RHCE: variants seen among roughly 807,000 people sequenced by gnomAD.
RHCE encodes Rh blood group CcEe antigens, also known as blood group Rh(CE) polypeptide.
In RHCE, 22 loss-of-function variants were observed where a neutral mutation model predicts 43.8. The observed-to-expected ratio is 0.50, with a 90% CI of 0.36 to 0.72. The LOEUF (loss-of-function observed/expected upper bound fraction) is 0.72, where lower values mean the gene tolerates loss of function less well. Ranked by LOEUF, RHCE falls within the 30% of genes least tolerant of loss-of-function variation. RHCE has a pLI of 0.00. For missense variants in RHCE, 385 were observed against 525.4 expected (o/e 0.73, Z 2.61); for synonymous variants, 156 against 210.7 (o/e 0.74, Z 2.25).
At chr1:25,410,011 A>C (rs145013433) in intron 1 of RHCE, among the ~76,000 whole-genome samples, 1,561 of 150,004 alleles carry the variant, frequency 0.01, 29 homozygotes, top group African/African-American at 0.036. Context: ...ATTCTCCTGC[A>C]TCAGCCTCCC....
chr1:25,410,577 C>T (rs1183826309), intron 1 of RHCE, among the ~76,000 whole-genome samples: 1 of 151,768 alleles, frequency 6.6e-6, no homozygotes, highest in Admixed American at 6.6e-5. Context: ...GAACCACAGG[C>T]GCGCACCACC....
At chr1:25,428,963 C>G (rs547689972) in exon 2 of RHCE, 2 of 152,380 alleles carry the variant, frequency 1.3e-5, no homozygotes, top group African/African-American at 4.8e-5. Context: ...CTGGCGTAGC[C>G]TGGAAAAGGA....
intron 6 of RHCE, among the ~76,000 whole-genome samples, chr1:25,386,140 G>A (rs1387420648): frequency 1.3e-5 from 2 of 152,214 alleles, no homozygotes; most frequent in Non-Finnish European, 2.9e-5. Flanking sequence ...GTCTAGTGTA[G>A]GCACTATTCA....
intron 6 of RHCE, among the ~76,000 whole-genome samples, chr1:25,387,488 T>A (rs1427695247): frequency 6.6e-6 from 1 of 152,202 alleles, no homozygotes; most frequent in African/African-American, 2.4e-5. Context: ...AATGAGGGAA[T>A]CATTTTTGAA....
chr1:25,425,965 T>C (rs1309517171), intron 2 of RHCE, among the ~76,000 whole-genome samples: 1 of 152,232 alleles, frequency 6.6e-6, no homozygotes, highest in African/African-American at 2.4e-5. Flanking sequence ...GGCAACCTGG[T>C]TCAAATTCTG....
At chr1:25,377,078 A>T (rs188744169) in intron 7 of RHCE, among the ~76,000 whole-genome samples, 2 of 152,140 alleles carry the variant, frequency 1.3e-5, no homozygotes, top group Admixed American at 1.3e-4. Context: ...CCATCTTTGT[A>T]TATATTCAAT....
At chr1:25,416,040 T>C (rs896330716) in intron 1 of RHCE, among the ~76,000 whole-genome samples, 9 of 151,178 alleles carry the variant, frequency 6.0e-5, no homozygotes, top group Non-Finnish European at 1.3e-4. Context: ...TAGGCTATTC[T>C]ATCTCTAAAG....
chr1:25,406,222 T>G lies in RHCE; in HGVS notation c.335+2461A>C, dbSNP rs1646909790. On this transcript the variant is annotated intron_variant, in intron 2 of 9. Coordinates refer to ENST00000294413, the MANE Select transcript of RHCE (RefSeq NM_020485.8). ...TGTCACTTTCCAGGTGGATGCAGTG[T>G]GTGTATGCGGGCGTGCGTGCGTGCG... Among the ~76,000 whole-genome samples the G allele has an allele frequency of 2.0e-5, 2 of 99,566 alleles. 1 individual carries two copies. The allele number at this position is 99,566 out of a possible 152,430, so 65.3% of individuals were successfully genotyped here.
At position 25,375,844 on chromosome 1, in the gene RHCE, C is replaced by T. The variant is rs1337255978; in HGVS notation, c.1074-416G>A. Among the ~76,000 whole-genome samples, 3 of 124,842 alleles carry T rather than the reference C, an allele frequency of 2.4e-5. No individual in the cohort carries two copies. In the Admixed American group the frequency reaches 2.6e-4, roughly 11 times the overall value. 81.9% of individuals were successfully genotyped at this position (124,842 alleles called of 152,430 possible). ...TTTGTGAGATGGAGTCTCACTCTGTCGTCCAGACTGGAGTGCAGTGGTCGG... is the reference window on the plus strand; with the variant it reads ...TTTGTGAGATGGAGTCTCACTCTGTTGTCCAGACTGGAGTGCAGTGGTCGG... On this transcript the variant is annotated intron_variant, in intron 7 of 9. Transcript: ENST00000294413.
chr1:25,390,714 ACCCAAGTGCTG>A (rs1207757959), intron 5 of RHCE, 24 bp downstream of exon 5: 1 of 1,613,668 alleles, frequency 6.2e-7, no homozygotes, highest in Non-Finnish European at 8.5e-7. Context: ...GTCCTGTTAG[ACCCAAGTGCTG>A]CCCAAGGGCA....
chr1:25,401,542 G>T (rs141286621), intron 3 of RHCE, among the ~76,000 whole-genome samples: 288 of 152,260 alleles, frequency 1.9e-3, no homozygotes, highest in Non-Finnish European at 2.3e-3. Context: ...CAGCAGAGGA[G>T]CTGGGAGAGC....
intron 7 of RHCE, among the ~76,000 whole-genome samples, chr1:25,377,703 G>T (rs535101819): frequency 1.2e-4 from 19 of 152,310 alleles, no homozygotes; most frequent in Admixed American, 7.2e-4. Flanking sequence ...GATCAGCCTG[G>T]CCAACATGGC....
chr1:25,368,647 AT>A (rs1337262078), intron 9 of RHCE, among the ~76,000 whole-genome samples: 19 of 150,904 alleles, frequency 1.3e-4, no homozygotes, highest in Non-Finnish European at 2.5e-4. Context: ...GGCCGAGAGA[AT>A]TTTGAGCACT....
At chr1:25,421,086 C>A, upstream of RHCE, 2 of 411,422 alleles carry the variant, frequency 4.9e-6, no homozygotes, top group Admixed American at 7.1e-5. Flanking sequence ...CTTTGACACC[C>A]AAACATAATC....
chr1:25,378,727 CCT>C (rs1557604008), intron 7 of RHCE, among the ~76,000 whole-genome samples: 2 of 152,200 alleles, frequency 1.3e-5, no homozygotes, highest in African/African-American at 4.8e-5. Context: ...CCCAGTTCCC[CCT>C]CTCTTTCTGC....
chr1:25,372,675 T>G (rs1326161739), intron 8 of RHCE, among the ~76,000 whole-genome samples: 1 of 151,796 alleles, frequency 6.6e-6, no homozygotes, highest in South Asian at 2.1e-4. Flanking sequence ...CTTGATAGGA[T>G]TGTTCCTTAA....
At position 25,406,688 on chromosome 1, in the gene RHCE, C is replaced by T. The variant is rs1224488645; in HGVS notation, c.335+1995G>A. ...TCGCCCAGGCTAGAGTGCAGTGGCACGATCTCGGCTCACTGCAAACTCCGC... is the reference window on the plus strand; with the variant it reads ...TCGCCCAGGCTAGAGTGCAGTGGCATGATCTCGGCTCACTGCAAACTCCGC... On this transcript the variant is annotated intron_variant, in intron 2 of 9. Coordinates refer to ENST00000294413, the MANE Select transcript of RHCE (RefSeq NM_020485.8). 1.8e-4 allele frequency among the ~76,000 whole-genome samples: 21 copies of T among 114,496 alleles called. 4 individuals carry two copies. Among genetic ancestry groups the T allele is most frequent in the Admixed American group, 1.6e-3 (16 of 10,190 alleles). The allele number at this position is 114,496 out of a possible 152,430, so 75.1% of individuals were successfully genotyped here.
intron 7 of RHCE, among the ~76,000 whole-genome samples, chr1:25,377,359 G>A (rs1178170816): frequency 6.6e-6 from 1 of 151,834 alleles, no homozygotes; most frequent in African/African-American, 2.4e-5. Flanking sequence ...ACAACGCCCA[G>A]CTAATTTTTT....
chr1:25,411,177 A>C (rs1647063677), intron 1 of RHCE, among the ~76,000 whole-genome samples: 1 of 151,684 alleles, frequency 6.6e-6, no homozygotes, highest in Non-Finnish European at 1.5e-5. Context: ...TAAGTTGCTT[A>C]CTTTCCTTAT....
Sources: allele counts gnomAD v4.1 joint callset (sites outside exome capture counted in the v4.1 genomes callset), GRCh38; gene constraint gnomAD v4.1.1; transcripts MANE v1.5; gene names NCBI Gene and HGNC (gene_info 2026-07-23, HGNC 2026-07-21).